The following EML4 variants were observed in gnomAD, a reference collection of about 807,000 sequenced individuals.
EML4 encodes the protein echinoderm microtubule-associated protein-like 4.
Under a neutral mutation model 129.0 loss-of-function variants are expected in EML4, and 72 were observed. The observed-to-expected ratio is 0.56, with a 90% CI of 0.46 to 0.68. The LOEUF (loss-of-function observed/expected upper bound fraction) is 0.68, where lower values mean the gene tolerates loss of function less well. EML4 is among the 30% of genes least tolerant of loss of function. The pLI, the probability that EML4 is intolerant of heterozygous loss-of-function variation, is 0.00. For synonymous variants in EML4, 532 were observed against 405.0 expected (o/e 1.31, Z -3.77); for missense variants, 1,363 against 1,190.6 (o/e 1.14, Z -2.13).
At chr2:42,175,254 C>T (rs1372240869) in intron 1 of EML4, among the ~76,000 whole-genome samples, 2 of 152,002 alleles carry the variant, frequency 1.3e-5, no homozygotes, top group African/African-American at 2.4e-5. Flanking sequence ...GCTGGGACTA[C>T]AGGCACTCAC....
chr2:42,194,696 A>G (rs896417673), intron 1 of EML4, among the ~76,000 whole-genome samples: 4 of 151,582 alleles, frequency 2.6e-5, no homozygotes, highest in Admixed American at 2.6e-4. Context: ...TTTTTTGTAG[A>G]GACGGTATTT....
intron 1 of EML4, among the ~76,000 whole-genome samples, chr2:42,236,375 T>C (rs958512982): frequency 1.2e-4 from 19 of 152,260 alleles, no homozygotes; most frequent in Admixed American, 1.2e-3. Context: ...ACTATGCTGC[T>C]GTGAATATTC....
rs1421674389 is a variant in EML4 at position 42,264,714 on chromosome 2, A to G, written c.650A>G (p.Asp217Gly). The change falls in exon 6 of 23, where the codon GAT becomes GGT. Residue 217 changes from aspartate to glycine, a missense_variant. Physicochemically the swap from Asp to Gly is moderately conservative, Grantham distance 94. Transcript: ENST00000318522. ...KVTKTADKHK[D>G]VIINQEGEYI... ...TTAAATTTCTTTTCTAGGCATAAAG[A>G]TGTCATCATCAACCAAGGTAAATTA... 6.9e-7 allele frequency: 1 copy of G among 1,443,104 alleles called. No individual in the cohort carries two copies. Among genetic ancestry groups the G allele is most frequent in the Non-Finnish European group, 9.7e-7 (1 of 1,035,942 alleles). 89.4% of individuals were successfully genotyped at this position (1,443,104 alleles called of 1,614,324 possible).
At chr2:42,256,725 T>G (rs1676178738) in intron 3 of EML4, 95 bp downstream of exon 3, 2 of 1,421,344 alleles carry the variant, frequency 1.4e-6, no homozygotes, top group South Asian at 2.6e-5. Context: ...TAGAGCTGTT[T>G]GAATTCAAGT....
chr2:42,274,010 C>G (rs1666518735), intron 6 of EML4, among the ~76,000 whole-genome samples: 4 of 152,194 alleles, frequency 2.6e-5, no homozygotes, highest in South Asian at 4.1e-4. Context: ...AAGATTTTAG[C>G]CTTCCAAAAA....
intron 1 of EML4, among the ~76,000 whole-genome samples, chr2:42,244,378 T>C (rs1675246999): frequency 6.6e-6 from 1 of 152,208 alleles, no homozygotes. Context: ...ATTACAGGCA[T>C]GAGCCACCGC....
rs139256814 is a variant in EML4 at position 42,326,209 on chromosome 2, T to A, written c.2298T>A (p.Ile766=). Residue 766 remains isoleucine (I), a synonymous_variant, in exon 21 of 23, where the codon ATT becomes ATA. Transcript: ENST00000318522. ...LIRNRSDCKD[I]DWTTYTCVLG... ...GGAATCGATCGGATTGTAAGGACAT[T>A]GATTGGACGACATATACCTGTGTGC... 3.1e-4 allele frequency: 503 copies of A among 1,613,824 alleles called. 1 individual carries two copies. Among genetic ancestry groups the A allele is most frequent in the Middle Eastern group, 1.8e-3 (11 of 6,060 alleles).
rs1299383783 is a variant in EML4 at position 42,245,096 on chromosome 2, T to TTTTTTTC, written c.26-403_26-402insCTTTTTT. On this transcript the variant is annotated intron_variant, in intron 1 of 22. Transcript: ENST00000318522. Reference sequence around the variant, plus strand: ...TTTTTTGTTTTGAAATTTTCTTTCTTTTTTTTTTTTTTTTTTGAGACAGAC... The same window carrying TTTTTTTC: ...TTTTTTGTTTTGAAATTTTCTTTCTTTTTTTTCTTTTTTTTTTTTTTTTGAGACAGAC... Among the ~76,000 whole-genome samples, 36 of 100,374 alleles carry TTTTTTTC rather than the reference T, an allele frequency of 3.6e-4. 2 individuals are homozygous for TTTTTTTC. The highest frequency in any genetic ancestry group is 5.9e-4 in the East Asian group (2 of 3,392). 65.8% of individuals were successfully genotyped at this position (100,374 alleles called of 152,430 possible). A position where few individuals can be genotyped will look rare whatever the true frequency, so the allele number is the denominator to read the frequency against.
chr2:42,214,597 T>C (rs1022510496), intron 1 of EML4, among the ~76,000 whole-genome samples: 3 of 152,308 alleles, frequency 2.0e-5, no homozygotes, highest in South Asian at 2.1e-4. Context: ...AATTTTGTTG[T>C]TATATCCAGC....
intron 1 of EML4, among the ~76,000 whole-genome samples, chr2:42,196,030 T>C (rs1157115669): frequency 1.3e-5 from 2 of 152,140 alleles, no homozygotes; most frequent in Non-Finnish European, 2.9e-5. Flanking sequence ...GACTTAGATA[T>C]AGTATTTTAT....
chr2:42,169,754 A>T (rs761171567), intron 1 of EML4, 118 bp downstream of exon 1: 61 of 1,185,616 alleles, frequency 5.1e-5, no homozygotes, highest in Non-Finnish European at 6.6e-5. Flanking sequence ...GCTCCACTGC[A>T]CATGTTCCCT....
At chr2:42,324,203 G>A (rs937867471) in intron 19 of EML4, among the ~76,000 whole-genome samples, 1 of 152,142 alleles carries the variant, frequency 6.6e-6, no homozygotes, top group African/African-American at 2.4e-5. Context: ...GCTGAGGCAT[G>A]AGAATCATTT....
intron 1 of EML4, among the ~76,000 whole-genome samples, chr2:42,213,402 C>G (rs141489065): frequency 6.6e-6 from 1 of 152,174 alleles, no homozygotes; most frequent in African/African-American, 2.4e-5. Context: ...TGTGTAGTTA[C>G]ATTTCCATAG....
At chr2:42,273,455 G>A (rs1666484881) in intron 6 of EML4, among the ~76,000 whole-genome samples, 1 of 152,138 alleles carries the variant, frequency 6.6e-6, no homozygotes, top group Non-Finnish European at 1.5e-5. Flanking sequence ...AGGAGTTTAG[G>A]TTCAAGAAGG....
intron 8 of EML4, among the ~76,000 whole-genome samples, chr2:42,283,706 T>C (rs925440670): frequency 2.0e-5 from 3 of 152,178 alleles, no homozygotes; most frequent in African/African-American, 4.8e-5. Flanking sequence ...GATTAAAATA[T>C]TGCCTTTTAC....
intron 19 of EML4, among the ~76,000 whole-genome samples, chr2:42,318,139 C>T (rs996839622): frequency 1.3e-5 from 2 of 152,126 alleles, no homozygotes; most frequent in African/African-American, 4.8e-5. Context: ...ACATGTGTTC[C>T]TTTGTCCTCA....
chr2:42,265,754 G>C (rs1666025789), intron 6 of EML4, among the ~76,000 whole-genome samples: 1 of 152,144 alleles, frequency 6.6e-6, no homozygotes, highest in Non-Finnish European at 1.5e-5. Flanking sequence ...TTGATGCTAA[G>C]ACTGAAAATA....
At position 42,169,483 on chromosome 2, in the gene EML4, G is replaced by A; in HGVS notation, c.-129G>A. The A allele has an allele frequency of 1.8e-6, 2 of 1,102,250 alleles. No homozygotes were observed. Among genetic ancestry groups the A allele is most frequent in the Non-Finnish European group, 2.5e-6 (2 of 793,460 alleles). The allele number at this position is 1,102,250 out of a possible 1,614,324, so 68.3% of individuals were successfully genotyped here. The stretch of plus-strand genomic sequence containing the variant: ...CAGGGCGAACGGACGGACGACGGAG[G>A]CGGGAGCCGGTAGCCGAGCCGGGCG... On this transcript the variant is annotated 5_prime_UTR_variant, in exon 1 of 23. Transcript: ENST00000318522.
chr2:42,269,357 A>G (rs1334965042), intron 6 of EML4, among the ~76,000 whole-genome samples: 2 of 152,164 alleles, frequency 1.3e-5, no homozygotes, highest in Non-Finnish European at 2.9e-5. Context: ...GTGTTTCTTT[A>G]TTGTTCTTTA....
Sources: allele counts gnomAD v4.1 joint callset (sites outside exome capture counted in the v4.1 genomes callset), GRCh38; gene constraint gnomAD v4.1.1; transcripts MANE v1.5; gene names NCBI Gene and HGNC (gene_info 2026-07-23, HGNC 2026-07-21).